The following CDCA2 variants were observed in gnomAD, a reference collection of about 807,000 sequenced individuals.
The protein encoded by CDCA2 is cell division cycle associated 2, also known as cell division cycle-associated protein 2.
In CDCA2, 44 loss-of-function variants were observed where a neutral mutation model predicts 67.0. That is an observed-to-expected ratio of 0.66 (90% CI 0.52 to 0.84). The LOEUF is 0.84. Ranked by LOEUF, CDCA2 falls within the 40% of genes least tolerant of loss-of-function variation. The pLI, the probability that CDCA2 is intolerant of heterozygous loss-of-function variation, is 0.00. For missense variants in CDCA2, 1,253 were observed against 1,203.2 expected (o/e 1.04, Z -0.61); for synonymous variants, 447 against 418.7 (o/e 1.07, Z -0.82).
chr8:25,464,684 C>G (rs1455861196), intron 4 of CDCA2, among the ~76,000 whole-genome samples: 1 of 152,042 alleles, frequency 6.6e-6, no homozygotes, highest in Non-Finnish European at 1.5e-5. Context: ...TTAAATCTGC[C>G]CCTACCATGT....
chr8:25,490,431 G>A (rs985813513), intron 13 of CDCA2, among the ~76,000 whole-genome samples: 1 of 151,696 alleles, frequency 6.6e-6, no homozygotes, highest in Admixed American at 6.6e-5. Flanking sequence ...AGCCTTCAAT[G>A]AATTTCTAGA....
At position 25,487,480 on chromosome 8, in the gene CDCA2, G is replaced by A. The variant is rs143895677; in HGVS notation, c.1533+146G>A. 5.5e-4 allele frequency: 328 copies of A among 596,486 alleles called. 1 individual carries two copies. Among genetic ancestry groups the A allele is most frequent in the African/African-American group, 5.5e-3 (287 of 52,660 alleles). 36.9% of individuals were successfully genotyped at this position (596,486 alleles called of 1,614,324 possible). Reference sequence around the variant, plus strand: ...ACTTTGGCCAGGCACCGTGGTTCACGCCTGTAATCCCAATGCTTTGGGAGG... The same window carrying A: ...ACTTTGGCCAGGCACCGTGGTTCACACCTGTAATCCCAATGCTTTGGGAGG... On this transcript the variant is annotated intron_variant, in intron 12 of 14. Transcript: ENST00000330560.
At chr8:25,485,191 TA>T (rs1467683247) in intron 10 of CDCA2, among the ~76,000 whole-genome samples, 134 of 95,444 alleles carry the variant, frequency 1.4e-3, no homozygotes, top group Non-Finnish European at 2.6e-3. Context: ...ATAATAATAA[TA>T]ATAATAATAA....
intron 13 of CDCA2, among the ~76,000 whole-genome samples, chr8:25,500,471 T>G (rs188658668): frequency 7.6e-4 from 115 of 152,300 alleles, no homozygotes; most frequent in African/African-American, 2.6e-3. Flanking sequence ...AAATATGGTG[T>G]TGTATGCCAT....
chr8:25,462,049 T>C lies in CDCA2; in HGVS notation c.233-5T>C. On this transcript the variant is annotated splice_polypyrimidine_tract_variant and splice_region_variant and intron_variant, in intron 3 of 14. Transcript: ENST00000330560. ...GTTCCAATTTATAAGAGAGTTTCAT[T>C]ACAGGAAAGTCATCATCCTACCTTA... The C allele has an allele frequency of 6.2e-7, 1 of 1,611,806 alleles. No individual in the cohort carries two copies. Among genetic ancestry groups the C allele is most frequent in the South Asian group, 1.1e-5 (1 of 91,040 alleles).
rs530415385 is a variant in CDCA2 at position 25,476,365 on chromosome 8, T to C, written c.821-3548T>C. Among the ~76,000 whole-genome samples, 29 of 152,292 alleles carry C rather than the reference T, an allele frequency of 1.9e-4. No individual in the cohort carries two copies. The South Asian group carries it at 3.9e-3, about 21-fold the overall frequency. On this transcript the variant is annotated intron_variant, in intron 7 of 14. Coordinates refer to ENST00000330560, the MANE Select transcript of CDCA2 (RefSeq NM_152562.4). ...CTGGCAGCTCTACTCATGAGTGATC[T>C]GAGAGAAAGTTCCCTGGTAGCCTTT...
intron 13 of CDCA2, among the ~76,000 whole-genome samples, chr8:25,497,333 A>G (rs187232149): frequency 1.3e-5 from 2 of 152,284 alleles, no homozygotes; most frequent in African/African-American, 4.8e-5. Context: ...AGGTGAATGG[A>G]TAAAGAAAAA....
chr8:25,481,787 T>A (rs1317461676), intron 8 of CDCA2, among the ~76,000 whole-genome samples: 2 of 152,266 alleles, frequency 1.3e-5, no homozygotes, highest in Non-Finnish European at 2.9e-5. Context: ...TGCTGACTTT[T>A]CTGATTTAGT....
intron 7 of CDCA2, among the ~76,000 whole-genome samples, chr8:25,471,079 T>C (rs1434787634): frequency 5.3e-5 from 8 of 152,192 alleles, no homozygotes; most frequent in African/African-American, 1.9e-4. Flanking sequence ...TTATATGTGC[T>C]TTAAATAGGT....
chr8:25,506,175 G>C (rs1232305963), intron 14 of CDCA2, among the ~76,000 whole-genome samples: 1 of 152,182 alleles, frequency 6.6e-6, no homozygotes, highest in Non-Finnish European at 1.5e-5. Flanking sequence ...CAGGGAAATG[G>C]GAAATGTCAC....
chr8:25,460,947 G>A (rs1023443236), intron 3 of CDCA2, among the ~76,000 whole-genome samples: 13 of 152,108 alleles, frequency 8.5e-5, no homozygotes, highest in Non-Finnish European at 1.8e-4. Flanking sequence ...ATATAATACT[G>A]AAAGAGCAGG....
intron 10 of CDCA2, among the ~76,000 whole-genome samples, chr8:25,484,821 C>T (rs539618661): frequency 6.6e-6 from 1 of 152,208 alleles, no homozygotes; most frequent in South Asian, 2.1e-4. Context: ...AGTTAAAATA[C>T]TAATTCTACA....
intron 13 of CDCA2, among the ~76,000 whole-genome samples, chr8:25,500,218 G>T (rs1804417919): frequency 6.6e-6 from 1 of 150,670 alleles, no homozygotes; most frequent in Non-Finnish European, 1.5e-5. Context: ...TAGATCCAGG[G>T]ACATAACTTC....
intron 4 of CDCA2, among the ~76,000 whole-genome samples, chr8:25,463,648 A>G (rs1398467337): frequency 6.6e-6 from 1 of 152,024 alleles, no homozygotes; most frequent in Admixed American, 6.5e-5. Flanking sequence ...TTGTGCTGGC[A>G]GCAGCCTCCT....
chr8:25,471,864 G>A (rs142367002), intron 7 of CDCA2, among the ~76,000 whole-genome samples: 2 of 152,294 alleles, frequency 1.3e-5, no homozygotes, highest in Admixed American at 1.3e-4. Context: ...CAGAAACAGT[G>A]TAATTAAACA....
intron 13 of CDCA2, among the ~76,000 whole-genome samples, chr8:25,501,818 C>A (rs1266052883): frequency 6.6e-6 from 1 of 152,214 alleles, no homozygotes; most frequent in Non-Finnish European, 1.5e-5. Flanking sequence ...CCACACCTGG[C>A]AAGTTATTAC....
Position 25,506,626 on chromosome 8 carries a change from TATG to T in CDCA2, c.1964_1966del (p.Asp655del). ...GCATATGCATCAAGGCTATGATAAATATGATGTCTCTGAATTCTGCTCTTATAT... is the reference window on the plus strand; with the variant it reads ...GCATATGCATCAAGGCTATGATAAATATGTCTCTGAATTCTGCTCTTATAT... On this transcript the variant is annotated inframe_deletion, in exon 15 of 15. Transcript: ENST00000330560. 2 of 1,613,460 alleles carry T rather than the reference TATG, an allele frequency of 1.2e-6. No individual in the cohort carries two copies. Among genetic ancestry groups the T allele is most frequent in the South Asian group, 1.1e-5 (1 of 90,728 alleles).
Position 25,507,034 on chromosome 8 carries a change from T to TG in CDCA2, c.2369dup (p.Cys790TrpfsTer10). ...TTTAATGCCTAATTCACAAAAAGAC[T>TG]GTCATTGTTTAGGAGATGTCTTAAT... On this transcript the variant is annotated frameshift_variant, in exon 15 of 15. Transcript: ENST00000330560. LOFTEE classifies it low-confidence loss of function (END_TRUNC). 6.2e-7 allele frequency: 1 copy of TG among 1,614,084 alleles called. No homozygotes were observed. The highest frequency in any genetic ancestry group is 8.5e-7 in the Non-Finnish European group (1 of 1,179,972).
chr8:25,484,238 T>C (rs767593768), intron 10 of CDCA2, 28 bp downstream of exon 10: 1 of 1,607,422 alleles, frequency 6.2e-7, no homozygotes, highest in South Asian at 1.1e-5. Flanking sequence ...GGAACAAGCT[T>C]GCCATATGTA....
Sources: gnomAD v4.1 joint callset for allele counts (sites outside exome capture counted in the v4.1 genomes callset) on GRCh38, gnomAD v4.1.1 for gene constraint, MANE v1.5 for transcripts, NCBI Gene and HGNC (gene_info 2026-07-23, HGNC 2026-07-21) for gene names.